KSR2: variants seen among roughly 807,000 people sequenced by gnomAD.
KSR2 encodes the protein kinase suppressor of ras 2.
A neutral mutation model predicts 107.8 loss-of-function variants in KSR2; 25 were observed. The observed-to-expected ratio is 0.23, with a 90% CI of 0.17 to 0.32. The LOEUF is 0.32. Among genes scored for constraint, KSR2 ranks in the 10% least tolerant of loss-of-function variants. The pLI, the probability that KSR2 is intolerant of heterozygous loss-of-function variation, is 1.00. For synonymous variants in KSR2, 480 were observed against 507.0 expected (o/e 0.95, Z 0.71); for missense variants, 887 against 1,268.9 (o/e 0.70, Z 4.57).
At chr12:117,845,483 T>C (rs1183256041) in intron 3 of KSR2, among the ~76,000 whole-genome samples, 1 of 152,184 alleles carries the variant, frequency 6.6e-6, no homozygotes, top group Non-Finnish European at 1.5e-5. Context: ...TCAGTTTCAG[T>C]GTGAACTTGG....
chr12:117,556,080 A>T (rs1877675330), intron 8 of KSR2, among the ~76,000 whole-genome samples: 1 of 152,206 alleles, frequency 6.6e-6, no homozygotes, highest in Non-Finnish European at 1.5e-5. Context: ...TGCCATCACC[A>T]TGGAAACTGA....
intron 4 of KSR2, among the ~76,000 whole-genome samples, chr12:117,668,323 C>T (rs1347416287): frequency 6.6e-6 from 1 of 152,204 alleles, no homozygotes; most frequent in Non-Finnish European, 1.5e-5. Context: ...CTCTGTCTAG[C>T]TCTTGGTCCG....
At chr12:117,697,032 T>C (rs1392020120) in intron 4 of KSR2, among the ~76,000 whole-genome samples, 1 of 152,168 alleles carries the variant, frequency 6.6e-6, no homozygotes, top group African/African-American at 2.4e-5. Context: ...TCAGAGCACA[T>C]TGATATTTCA....
intron 1 of KSR2, among the ~76,000 whole-genome samples, chr12:117,942,697 G>T (rs1896048104): frequency 6.8e-6 from 1 of 147,562 alleles, no homozygotes. Context: ...CAAGAGTTTT[G>T]CCATGTTGTC....
chr12:117,880,921 C>T (rs1351959130), intron 1 of KSR2, among the ~76,000 whole-genome samples: 3 of 151,646 alleles, frequency 2.0e-5, no homozygotes, highest in African/African-American at 7.3e-5. Flanking sequence ...CTGCCTGCCT[C>T]GGCCTCCCAA....
At chr12:117,733,721 C>T (rs1306882047) in intron 4 of KSR2, among the ~76,000 whole-genome samples, 1 of 152,166 alleles carries the variant, frequency 6.6e-6, no homozygotes, top group Non-Finnish European at 1.5e-5. Context: ...AATCTTACTT[C>T]CCCTACCCCA....
intron 1 of KSR2, among the ~76,000 whole-genome samples, chr12:117,943,725 T>C (rs1896085368): frequency 6.6e-6 from 1 of 152,168 alleles, no homozygotes; most frequent in African/African-American, 2.4e-5. Flanking sequence ...AGGCCATTGA[T>C]ATGGTTTGGC....
intron 3 of KSR2, among the ~76,000 whole-genome samples, chr12:117,779,253 G>A (rs1448014038): frequency 2.6e-5 from 4 of 152,180 alleles, no homozygotes; most frequent in Admixed American, 1.3e-4. Flanking sequence ...CAACTGCATG[G>A]GCACCAGGGG....
At chr12:117,947,836 C>T (rs1466987483) in intron 1 of KSR2, among the ~76,000 whole-genome samples, 1 of 151,836 alleles carries the variant, frequency 6.6e-6, no homozygotes, top group Non-Finnish European at 1.5e-5. Context: ...AATCTATATG[C>T]TGAAAACTAC....
At chr12:117,838,944 C>T (rs551125547) in intron 3 of KSR2, among the ~76,000 whole-genome samples, 12 of 152,270 alleles carry the variant, frequency 7.9e-5, no homozygotes, top group African/African-American at 2.4e-4. Flanking sequence ...GATGTTGCAG[C>T]GTGAAAACAG....
chr12:117,886,381 G>A (rs1894179497), intron 1 of KSR2, among the ~76,000 whole-genome samples: 2 of 151,798 alleles, frequency 1.3e-5, no homozygotes, highest in South Asian at 4.1e-4. Flanking sequence ...TTCTATCAGT[G>A]ACAAATCATA....
intron 5 of KSR2, among the ~76,000 whole-genome samples, chr12:117,623,147 A>G (rs1020369567): frequency 3.3e-5 from 5 of 152,268 alleles, no homozygotes; most frequent in African/African-American, 9.6e-5. Flanking sequence ...CACATGGTAG[A>G]TACCAATGAA....
intron 4 of KSR2, among the ~76,000 whole-genome samples, chr12:117,743,592 A>T (rs1888301317): frequency 1.3e-5 from 2 of 152,262 alleles, no homozygotes; most frequent in Admixed American, 6.5e-5. Context: ...ACTCTGTACT[A>T]TAACTGCTAT....
intron 1 of KSR2, 79 bp from the exon 2 acceptor site, chr12:117,860,510 AC>A: frequency 7.2e-7 from 1 of 1,384,232 alleles, no homozygotes; most frequent in Non-Finnish European, 9.7e-7. Context: ...CCCCCTACGA[AC>A]CCCCACCCTA....
At chr12:117,497,743 C>T (rs1873125906) in intron 14 of KSR2, among the ~76,000 whole-genome samples, 3 of 152,220 alleles carry the variant, frequency 2.0e-5, no homozygotes, top group Admixed American at 1.3e-4. Context: ...AGCTTTGGAA[C>T]TCACAGTGCT....
chr12:117,640,028 G>A (rs1198882515), intron 5 of KSR2, among the ~76,000 whole-genome samples: 1 of 152,120 alleles, frequency 6.6e-6, no homozygotes, highest in East Asian at 1.9e-4. Flanking sequence ...CTGAGTCTCA[G>A]GGAGGTTGAC....
chr12:117,701,246 C>T (rs986164935), intron 4 of KSR2, among the ~76,000 whole-genome samples: 8 of 152,172 alleles, frequency 5.3e-5, no homozygotes, highest in African/African-American at 1.4e-4. Flanking sequence ...GCATGCACCA[C>T]CACACCCAGC....
chr12:117,747,994 C>T (rs752643221), intron 4 of KSR2, among the ~76,000 whole-genome samples: 2 of 152,202 alleles, frequency 1.3e-5, no homozygotes, highest in African/African-American at 4.8e-5. Context: ...AAAGAGATAT[C>T]TGCACTACCA....
intron 4 of KSR2, among the ~76,000 whole-genome samples, chr12:117,694,992 A>G (rs557686031): frequency 3.4e-4 from 51 of 152,052 alleles, no homozygotes; most frequent in African/African-American, 1.0e-3. Context: ...CTGGGACGAC[A>G]GGTGCACGCC....
Sources: gnomAD v4.1 joint callset for allele counts (sites outside exome capture counted in the v4.1 genomes callset) on GRCh38, gnomAD v4.1.1 for gene constraint, MANE v1.5 for transcripts, NCBI Gene and HGNC (gene_info 2026-07-23, HGNC 2026-07-21) for gene names.